Variants in MMP16 observed in about 807,000 individuals in gnomAD.
MMP16 encodes the protein matrix metallopeptidase 16.
A neutral mutation model predicts 67.8 loss-of-function variants in MMP16; 12 were observed. The ratio of observed to expected loss-of-function variants is 0.18; its 90% CI spans 0.11 to 0.29. The LOEUF is 0.29. Ranked by LOEUF, MMP16 falls within the 10% of genes least tolerant of loss-of-function variation. The probability of loss-of-function intolerance (pLI) is 1.00; values close to 1 mark genes in which losing one functional copy is unlikely to be tolerated. For missense variants in MMP16, 475 were observed against 765.7 expected (o/e 0.62, Z 4.48); for synonymous variants, 249 against 255.9 (o/e 0.97, Z 0.26).
intron 6 of MMP16, among the ~76,000 whole-genome samples, chr8:88,082,282 C>T (rs146039370): frequency 2.7e-4 from 41 of 152,140 alleles, no homozygotes; most frequent in East Asian, 1.7e-3. Flanking sequence ...TTTGATCTCA[C>T]GGCTTGTAGG....
chr8:88,184,987 A>G (rs1809051171), intron 3 of MMP16, among the ~76,000 whole-genome samples: 1 of 152,118 alleles, frequency 6.6e-6, no homozygotes. Context: ...TATGTGAAGT[A>G]AAAATATCTT....
intron 1 of MMP16, among the ~76,000 whole-genome samples, chr8:88,310,163 A>G (rs1174767838): frequency 1.3e-5 from 2 of 152,114 alleles, no homozygotes; most frequent in Admixed American, 1.3e-4. Context: ...TCCCTAAGGT[A>G]TTCTGATACA....
At chr8:88,326,697 AG>A (rs1456871448) in intron 1 of MMP16, 2 of 182,254 alleles carry the variant, frequency 1.1e-5, no homozygotes, top group East Asian at 2.7e-4. Context: ...AACAATACCT[AG>A]GCAGCACATG....
chr8:88,041,388 A>C lies in MMP16; in HGVS notation c.*73T>G, dbSNP rs1048332484. 1.4e-6 allele frequency: 2 copies of C among 1,473,190 alleles called. No homozygotes were observed. Among genetic ancestry groups the C allele is most frequent in the Non-Finnish European group, 1.9e-6 (2 of 1,077,400 alleles). The allele number at this position is 1,473,190 out of a possible 1,614,324, so 91.3% of individuals were successfully genotyped here. On this transcript the variant is annotated 3_prime_UTR_variant, in exon 10 of 10. Coordinates refer to ENST00000286614, the MANE Select transcript of MMP16 (RefSeq NM_005941.5). The surrounding 1 kb of genome is among the most constrained non-coding windows in gnomAD (Gnocchi z 6.0). ...AGCCTGCTCCTAGCTAGGAAACAGC[A>C]TAACAGCTCTTGTCTTGAATCTCAA...
At chr8:88,097,625 CAAAAA>C in intron 6 of MMP16, among the ~76,000 whole-genome samples, 1 of 67,480 alleles carries the variant, frequency 1.5e-5, no homozygotes, top group African/African-American at 6.0e-5. Flanking sequence ...AACCCTGTCT[CAAAAA>C]AAAAAAAAAA....
At chr8:88,309,391 TGGGAAGGAAGGCAG>T (rs1164895231) in intron 1 of MMP16, among the ~76,000 whole-genome samples, 1 of 149,776 alleles carries the variant, frequency 6.7e-6, no homozygotes, top group African/African-American at 2.5e-5. Context: ...TGCATTTTTA[TGGGAAGGAAGGCAG>T]GGGAAGGAAG....
chr8:88,184,563 G>GA (rs59310737), intron 3 of MMP16, among the ~76,000 whole-genome samples: 5,289 of 10,894 alleles, frequency 0.49, 1,963 homozygotes, highest in Non-Finnish European at 0.53. Flanking sequence ...CTCTCTCTCT[G>GA]AAAAAAAAAA....
intron 1 of MMP16, among the ~76,000 whole-genome samples, chr8:88,301,246 C>T (rs950920427): frequency 6.6e-5 from 10 of 152,126 alleles, no homozygotes; most frequent in Non-Finnish European, 1.5e-4. Context: ...AGTCCTTTCT[C>T]AGCCTTCTCT....
chr8:88,151,391 C>A (rs1386639909), intron 4 of MMP16, among the ~76,000 whole-genome samples: 2 of 149,930 alleles, frequency 1.3e-5, no homozygotes, highest in Non-Finnish European at 3.0e-5. Context: ...ACTCTCCACC[C>A]CAAATCAACA....
At chr8:88,208,484 C>T (rs1309515536) in intron 1 of MMP16, among the ~76,000 whole-genome samples, 1 of 152,088 alleles carries the variant, frequency 6.6e-6, no homozygotes, top group Non-Finnish European at 1.5e-5. Flanking sequence ...ACCAAGAACC[C>T]CATAAATCCA....
rs1437160439 is a variant in MMP16, at chr8:88,034,387, TGGA to T, written c.*7071_*7073del. Reference sequence around the variant, plus strand: ...GGCAAACAAATAACGATCTTAGAATTGGAGGAGCAGAAAAACCAGGCACACATA... The same window carrying T: ...GGCAAACAAATAACGATCTTAGAATTGGAGCAGAAAAACCAGGCACACATA... On this transcript the variant is annotated 3_prime_UTR_variant, in exon 10 of 10. Transcript: ENST00000286614. 6.6e-6 allele frequency: 1 copy of T among 152,398 alleles called. No individual in the cohort carries two copies. Among genetic ancestry groups the T allele is most frequent in the Non-Finnish European group, 1.5e-5 (1 of 67,952 alleles). The allele number at this position is 152,398 out of a possible 1,614,324, so 9.4% of individuals were successfully genotyped here.
intron 7 of MMP16, among the ~76,000 whole-genome samples, chr8:88,070,816 T>C (rs1808540042): frequency 6.6e-6 from 1 of 152,110 alleles, no homozygotes; most frequent in African/African-American, 2.4e-5. Flanking sequence ...ACCCAGTGTC[T>C]TTGAAAATCA....
chr8:88,280,677 G>A (rs1249368184), intron 1 of MMP16, among the ~76,000 whole-genome samples: 1 of 152,166 alleles, frequency 6.6e-6, no homozygotes, highest in Non-Finnish European at 1.5e-5. Flanking sequence ...GATCACTTGA[G>A]CCCAAGAGTT....
chr8:88,268,445 A>G (rs570774501), intron 1 of MMP16, among the ~76,000 whole-genome samples: 2 of 152,356 alleles, frequency 1.3e-5, no homozygotes, highest in South Asian at 4.1e-4. Flanking sequence ...CAAAGAAGAC[A>G]AGAAGAAGCT....
intron 1 of MMP16, among the ~76,000 whole-genome samples, chr8:88,287,422 T>C (rs1477685842): frequency 1.3e-5 from 2 of 152,214 alleles, no homozygotes; most frequent in Non-Finnish European, 2.9e-5. Context: ...CACTGCTAGA[T>C]CAAAGTTATG....
At chr8:88,166,208 G>C (rs1245354144) in intron 4 of MMP16, among the ~76,000 whole-genome samples, 1 of 151,936 alleles carries the variant, frequency 6.6e-6, no homozygotes, top group Non-Finnish European at 1.5e-5. Context: ...GTCATGACTA[G>C]GGTTAACTTA....
At chr8:88,132,352 A>G (rs568846830) in intron 4 of MMP16, among the ~76,000 whole-genome samples, 3 of 152,014 alleles carry the variant, frequency 2.0e-5, no homozygotes, top group Admixed American at 2.0e-4. Context: ...GCTTAAAACA[A>G]AAGTCAGTGA....
intron 2 of MMP16, among the ~76,000 whole-genome samples, chr8:88,192,451 A>C (rs1008977730): frequency 2.0e-5 from 3 of 152,188 alleles, no homozygotes; most frequent in Non-Finnish European, 4.4e-5. Flanking sequence ...TCAACTTTTT[A>C]CCTTTCAGAA....
chr8:88,172,621 A>T (rs920535807), intron 3 of MMP16, among the ~76,000 whole-genome samples: 2 of 152,332 alleles, frequency 1.3e-5, no homozygotes, highest in Non-Finnish European at 1.5e-5. Context: ...TAAAAGTCTG[A>T]AAAACTTAAT....
Sources: gnomAD v4.1 joint callset for allele counts (sites outside exome capture counted in the v4.1 genomes callset) on GRCh38, gnomAD v4.1.1 for gene constraint, Gnocchi (gnomAD v3.1) non-coding constraint, MANE v1.5 for transcripts, NCBI Gene and HGNC (gene_info 2026-07-23, HGNC 2026-07-21) for gene names.